CHD2: variants seen among roughly 807,000 people sequenced by gnomAD.
The protein encoded by CHD2 is ATP-dependent chromatin remodeler CHD2.
Under a neutral mutation model 243.9 loss-of-function variants are expected in CHD2, and 28 were observed. That is an observed-to-expected ratio of 0.11 (90% confidence interval 0.09 to 0.16). The LOEUF (loss-of-function observed/expected upper bound fraction) is 0.16. Ranked by LOEUF, CHD2 falls within the 10% of genes least tolerant of loss-of-function variation. The probability of loss-of-function intolerance (pLI) is 1.00; values close to 1 mark genes in which losing one functional copy is unlikely to be tolerated. For missense variants in CHD2, 1,386 were observed against 2,209.8 expected, an observed-to-expected ratio of 0.63 and a Z score of 7.47; for synonymous variants, 775 against 779.0, an observed-to-expected ratio of 0.99 and a Z score of 0.09.
rs181315487 is a variant in CHD2 at position 93,017,314 on chromosome 15, C to A, written c.4906+2405C>A. ...TCATTGCTTTAGCTGCTCTTTGATG[C>A]CTTTAAACACTTCTTTCTTTTTTTG... On this transcript the variant is annotated intron_variant, in intron 37 of 38. Coordinates refer to ENST00000394196, the MANE Select transcript of CHD2 (RefSeq NM_001271.4). Among the ~76,000 whole-genome samples the A allele has an allele frequency of 2.3e-5, 3 of 128,768 alleles. No homozygotes were observed. In the East Asian group the frequency reaches 8.1e-4, roughly 35 times the overall value. The allele number at this position is 128,768 out of a possible 152,430, so 84.5% of individuals were successfully genotyped here.
Position 92,984,506 on chromosome 15 carries a change from C to G in CHD2, c.3237+6C>G. 1.2e-6 allele frequency: 2 copies of G among 1,604,506 alleles called. No homozygotes were observed. Among genetic ancestry groups the G allele is most frequent in the East Asian group, 2.2e-5 (1 of 44,668 alleles). On this transcript the variant is annotated splice_donor_region_variant and intron_variant, in intron 25 of 38. Coordinates refer to ENST00000394196, the MANE Select transcript of CHD2 (RefSeq NM_001271.4). ...TTCGGAGTTCCACTAAAAAGGTGAT[C>G]AAGTGAGATGAAAGATATGAAATTA...
chr15:92,935,367 G>A (rs1478096554), intron 5 of CHD2, among the ~76,000 whole-genome samples: 1 of 152,136 alleles, frequency 6.6e-6, no homozygotes. Context: ...GAGATTCTAA[G>A]TCCTCCTGGT....
At chr15:92,967,190 T>G in intron 16 of CHD2, 135 bp from the exon 17 acceptor site, 7 of 604,956 alleles carry the variant, frequency 1.2e-5, no homozygotes, top group Non-Finnish European at 1.4e-5. Context: ...CCCCTTTTTG[T>G]TTTCCCTTCT....
intron 35 of CHD2, 43 bp downstream of exon 35, chr15:93,009,366 T>C (rs1445458025): frequency 1.9e-6 from 3 of 1,567,272 alleles, no homozygotes; most frequent in Non-Finnish European, 2.6e-6. Context: ...TTTGACTGAG[T>C]GTGGGAGTGG....
intron 2 of CHD2, among the ~76,000 whole-genome samples, chr15:92,923,938 C>T (rs1056781226): frequency 1.3e-5 from 2 of 151,988 alleles, no homozygotes; most frequent in Admixed American, 6.6e-5. Flanking sequence ...GATAAGACTT[C>T]GTGGATTCAT....
intron 2 of CHD2, chr15:92,904,731 G>A: frequency 7.2e-7 from 1 of 1,393,684 alleles, no homozygotes; most frequent in African/African-American, 1.5e-5. Flanking sequence ...TAGAAAATTT[G>A]CCCAGTTTTA....
Position 92,984,365 on chromosome 15 carries a change from G to C in CHD2, c.3102G>C (p.Glu1034Asp), listed in dbSNP as rs1180713887. ...TTGCAACAATGGAAGATGAAGAAGA[G>C]CTAGAAGAGCGTCCTCACAAGGACT... ...ANFATMEDEEELEERPHKDWD... is the reference protein window; with the variant it reads ...ANFATMEDEEDLEERPHKDWD... The change falls in exon 25 of 39, where the codon GAG becomes GAC. Residue 1034 changes from glutamate (E) to aspartate (D), a missense_variant. By Grantham distance (45) the Glu-to-Asp change is conservative. Around this residue, in one of 19 missense-constraint regions of CHD2, gnomAD observed 99 missense variants for 206.4 expected, o/e 0.48. Transcript: ENST00000394196. 3 of 1,602,546 alleles carry C rather than the reference G, an allele frequency of 1.9e-6. No individual in the cohort carries two copies. The highest frequency in any genetic ancestry group is 2.6e-6 in the Non-Finnish European group (3 of 1,174,472).
intron 4 of CHD2, 43 bp downstream of exon 4, chr15:92,927,373 TCTTA>T (rs750456214): frequency 4.4e-6 from 6 of 1,376,714 alleles, no homozygotes; most frequent in Admixed American, 1.7e-5. Flanking sequence ...AAACTCCCTA[TCTTA>T]CTTCATTCTT....
At chr15:92,987,615 G>GAA (rs2054060404) in intron 26 of CHD2, among the ~76,000 whole-genome samples, 1 of 64,496 alleles carries the variant, frequency 1.6e-5, no homozygotes, top group Non-Finnish European at 3.7e-5. Flanking sequence ...AAAAGAAGAA[G>GAA]GAAAAAAAAA....
chr15:92,969,239 A>G (rs993711086), intron 17 of CHD2, among the ~76,000 whole-genome samples: 1 of 152,236 alleles, frequency 6.6e-6, no homozygotes, highest in African/African-American at 2.4e-5. Flanking sequence ...TTGCAATTTA[A>G]GAGTCCTGGC....
chr15:92,928,896 T>C (rs2053115025), intron 4 of CHD2, 134 bp from the exon 5 acceptor site: 1 of 677,412 alleles, frequency 1.5e-6, no homozygotes, highest in Non-Finnish European at 2.4e-6. Context: ...AAGCAAGTGC[T>C]TAGGTTTCTT....
intron 32 of CHD2, 110 bp from the exon 33 acceptor site, chr15:93,002,067 C>A: frequency 7.1e-7 from 1 of 1,400,414 alleles, no homozygotes; most frequent in Non-Finnish European, 9.4e-7. Context: ...AAACAAGCTT[C>A]TAAGTATAGA....
At chr15:92,992,265 C>T (rs1361340928) in intron 27 of CHD2, among the ~76,000 whole-genome samples, 1 of 152,182 alleles carries the variant, frequency 6.6e-6, no homozygotes, top group African/African-American at 2.4e-5. Flanking sequence ...TCAGTTGCAT[C>T]TTTCCAGGAC....
chr15:92,926,630 A>G lies in CHD2; in HGVS notation c.295-614A>G, dbSNP rs148464291. ...TCTTAAAGGTTGTTACAGGTCTACA[A>G]AAATCAGGTCTTAAAGGCAAAGGGC... On this transcript the variant is annotated intron_variant, in intron 3 of 38. Transcript: ENST00000394196. Among the ~76,000 whole-genome samples, 1,228 of 152,312 alleles carry G rather than the reference A, an allele frequency of 8.1e-3. 55 individuals carry two copies. Among genetic ancestry groups the G allele is most frequent in the Admixed American group, 0.069 (1,051 of 15,300 alleles).
chr15:92,911,256 G>T (rs1168874459), intron 2 of CHD2, among the ~76,000 whole-genome samples: 1 of 152,156 alleles, frequency 6.6e-6, no homozygotes, highest in African/African-American at 2.4e-5. Flanking sequence ...AACTTGTTCT[G>T]ATTGCTTTGT....
chr15:92,984,857 A>C (rs2054021556), intron 25 of CHD2, among the ~76,000 whole-genome samples: 4 of 152,206 alleles, frequency 2.6e-5, no homozygotes, highest in Admixed American at 1.3e-4. Context: ...ATAACAGTTC[A>C]CAGCACTTGA....
At chr15:92,966,973 G>A (rs542058725) in intron 16 of CHD2, among the ~76,000 whole-genome samples, 1 of 151,928 alleles carries the variant, frequency 6.6e-6, no homozygotes, top group Admixed American at 6.6e-5. Context: ...TCTTGAGGCT[G>A]TTGTATCCAT....
At chr15:92,949,722 C>G (rs1428180579) in intron 13 of CHD2, among the ~76,000 whole-genome samples, 1 of 152,178 alleles carries the variant, frequency 6.6e-6, no homozygotes, top group African/African-American at 2.4e-5. Flanking sequence ...TTCCTAATTA[C>G]TAAGTGCTAG....
At chr15:92,961,918 T>C (rs889716278) in intron 16 of CHD2, among the ~76,000 whole-genome samples, 17 of 144,790 alleles carry the variant, frequency 1.2e-4, no homozygotes, top group South Asian at 2.3e-4. Context: ...GTTTTGCATT[T>C]GTTGCCCAGG....
Sources: gnomAD v4.1 joint callset for allele counts (sites outside exome capture counted in the v4.1 genomes callset) on GRCh38, gnomAD v4.1.1 for gene constraint, gnomAD v4.1.1 regional missense constraint, MANE v1.5 for transcripts, NCBI Gene and HGNC (gene_info 2026-07-23, HGNC 2026-07-21) for gene names.